FOXJ3: variants seen among roughly 807,000 people sequenced by gnomAD.
FOXJ3 encodes forkhead box J3.
Under a neutral mutation model 76.1 loss-of-function variants are expected in FOXJ3, and 22 were observed. The ratio of observed to expected loss-of-function variants is 0.29; its 90% CI spans 0.21 to 0.41. The LOEUF (loss-of-function observed/expected upper bound fraction) is 0.41. FOXJ3 is among the 10% of genes least tolerant of loss of function. The pLI is 1.00. For synonymous variants in FOXJ3, 269 were observed against 261.2 expected (o/e 1.03, Z -0.29); for missense variants, 613 against 762.1 (o/e 0.80, Z 2.30).
At chr1:42,247,087 T>G (rs370574443) in intron 4 of FOXJ3, among the ~76,000 whole-genome samples, 24 of 152,142 alleles carry the variant, frequency 1.6e-4, no homozygotes, top group African/African-American at 5.8e-4. Flanking sequence ...ATAGAAGAAA[T>G]AAGTTCCAAA....
chr1:42,293,458 C>G (rs1653574021), intron 2 of FOXJ3, among the ~76,000 whole-genome samples: 1 of 152,040 alleles, frequency 6.6e-6, no homozygotes, highest in Admixed American at 6.6e-5. Context: ...CTTAAAACAA[C>G]AAGATACTAT....
At chr1:42,252,330 T>C (rs1650159789) in intron 4 of FOXJ3, among the ~76,000 whole-genome samples, 1 of 152,194 alleles carries the variant, frequency 6.6e-6, no homozygotes, top group Non-Finnish European at 1.5e-5. Flanking sequence ...AGAGATTCAA[T>C]TTCTTCCTGG....
intron 1 of FOXJ3, among the ~76,000 whole-genome samples, chr1:42,316,333 C>CGTTTTTTTTTTTTTTTTTTTT (rs1322633444): frequency 1.4e-5 from 1 of 73,912 alleles, no homozygotes; most frequent in African/African-American, 4.3e-5. Context: ...TGCATTGGGC[C>CGTTTTTTTTTTTTTTTTTTTT]TTTTTTTTTT....
At chr1:42,190,904 TCAGA>T (rs1480729151) in intron 9 of FOXJ3, among the ~76,000 whole-genome samples, 1 of 152,178 alleles carries the variant, frequency 6.6e-6, no homozygotes, top group Non-Finnish European at 1.5e-5. Context: ...AGCTTTGAAG[TCAGA>T]CATGTCAGAA....
chr1:42,287,804 T>C (rs913436900), intron 2 of FOXJ3, among the ~76,000 whole-genome samples: 6 of 151,762 alleles, frequency 4.0e-5, no homozygotes, highest in African/African-American at 7.3e-5. Context: ...TTACAAAAAA[T>C]ACAAAAAAAA....
intron 4 of FOXJ3, among the ~76,000 whole-genome samples, chr1:42,245,251 T>C (rs1649461787): frequency 1.3e-5 from 2 of 150,850 alleles, no homozygotes; most frequent in East Asian, 1.9e-4. Context: ...GCCAAACTTA[T>C]AAAGAACTAA....
intron 1 of FOXJ3, among the ~76,000 whole-genome samples, chr1:42,324,091 G>A (rs373729533): frequency 3.4e-4 from 6 of 17,696 alleles, no homozygotes; most frequent in South Asian, 1.2e-3. Flanking sequence ...TATATATACT[G>A]TATATATACT....
chr1:42,296,300 T>G (rs529319543), intron 2 of FOXJ3, among the ~76,000 whole-genome samples: 1 of 152,348 alleles, frequency 6.6e-6, no homozygotes, highest in African/African-American at 2.4e-5. Context: ...CTGTTGAGTA[T>G]TTCTTTTGCT....
At position 42,335,195 on chromosome 1, in the gene FOXJ3, C is replaced by G. The variant is rs961673384; in HGVS notation, c.-154G>C. Reference sequence around the variant, plus strand: ...GCAGCCCCGAGAGCGGCGGCGGCAGCAAGAGCAGCCAACATCCGGGGCCGC... The same window carrying G: ...GCAGCCCCGAGAGCGGCGGCGGCAGGAAGAGCAGCCAACATCCGGGGCCGC... On this transcript the variant is annotated 5_prime_UTR_variant, in exon 1 of 13. Transcript: ENST00000361346. 3 of 152,194 alleles carry G rather than the reference C, an allele frequency of 2.0e-5. No individual in the cohort carries two copies. The highest frequency in any genetic ancestry group is 2.1e-4 in the South Asian group (1 of 4,834). 9.4% of individuals were successfully genotyped at this position (152,194 alleles called of 1,614,324 possible).
chr1:42,251,706 A>ATTTTTTTTTT (rs1168120638), intron 4 of FOXJ3, among the ~76,000 whole-genome samples: 7 of 87,572 alleles, frequency 8.0e-5, no homozygotes, highest in African/African-American at 3.4e-4. Context: ...GTTTGCCAGT[A>ATTTTTTTTTT]TTTTTTTTTT....
At chr1:42,299,540 C>CT (rs762864718) in intron 2 of FOXJ3, among the ~76,000 whole-genome samples, 1,460 of 119,420 alleles carry the variant, frequency 0.012, 10 homozygotes, top group Non-Finnish European at 0.019. Flanking sequence ...ATGGTTGGGT[C>CT]TTTTTTTTTT....
rs950646839 is a variant in FOXJ3 at position 42,177,177 on chromosome 1, C to T, written c.*2533G>A. ...CCAGGGCCCACAGAAAAGGCCTGTC[C>T]TGGGCTCCTGGACCACCTGGATCAC... On this transcript the variant is annotated 3_prime_UTR_variant, in exon 13 of 13. Coordinates refer to ENST00000361346, the MANE Select transcript of FOXJ3 (RefSeq NM_014947.5). 2.6e-4 allele frequency: 39 copies of T among 152,794 alleles called. No individual in the cohort carries two copies. Among genetic ancestry groups the T allele is most frequent in the Middle Eastern group, 6.8e-3 (2 of 294 alleles). 9.5% of individuals were successfully genotyped at this position (152,794 alleles called of 1,614,324 possible). A position where few individuals can be genotyped will look rare whatever the true frequency, so the allele number is the denominator to read the frequency against.
intron 4 of FOXJ3, among the ~76,000 whole-genome samples, chr1:42,231,640 AT>A (rs1648125901): frequency 6.6e-6 from 1 of 152,170 alleles, no homozygotes. Context: ...TATGTTATGT[AT>A]ATTTTACCAC....
chr1:42,237,435 T>C (rs556505558), intron 4 of FOXJ3, among the ~76,000 whole-genome samples: 1 of 144,260 alleles, frequency 6.9e-6, no homozygotes, highest in Non-Finnish European at 1.5e-5. Flanking sequence ...TATACATACA[T>C]ACATATATAT....
At chr1:42,261,519 C>T (rs921264856) in intron 4 of FOXJ3, among the ~76,000 whole-genome samples, 5 of 151,704 alleles carry the variant, frequency 3.3e-5, no homozygotes, top group Non-Finnish European at 4.4e-5. Context: ...AGGGCTTTTA[C>T]GACACAATCT....
chr1:42,295,230 A>G (rs1347903508), intron 2 of FOXJ3, among the ~76,000 whole-genome samples: 1 of 151,496 alleles, frequency 6.6e-6, no homozygotes, highest in Non-Finnish European at 1.5e-5. Flanking sequence ...CCCCCGGTGG[A>G]CTCTTCAGTG....
At chr1:42,273,141 T>A (rs1331611592) in intron 3 of FOXJ3, among the ~76,000 whole-genome samples, 1 of 152,214 alleles carries the variant, frequency 6.6e-6, no homozygotes, top group Non-Finnish European at 1.5e-5. Context: ...ATTTTTATAG[T>A]TTACACACAG....
intron 2 of FOXJ3, among the ~76,000 whole-genome samples, chr1:42,281,775 T>C (rs1446431143): frequency 6.6e-6 from 1 of 152,042 alleles, no homozygotes; most frequent in Admixed American, 6.5e-5. Flanking sequence ...ACAAACTCAT[T>C]AGGGCGGGTG....
chr1:42,216,458 C>T (rs1647069749), intron 5 of FOXJ3, among the ~76,000 whole-genome samples: 1 of 150,852 alleles, frequency 6.6e-6, no homozygotes, highest in Non-Finnish European at 1.5e-5. Flanking sequence ...GCGGAGCTTG[C>T]AGTGAGCCGA....
Sources: allele counts gnomAD v4.1 joint callset (sites outside exome capture counted in the v4.1 genomes callset), GRCh38; gene constraint gnomAD v4.1.1; transcripts MANE v1.5; gene names NCBI Gene and HGNC (gene_info 2026-07-23, HGNC 2026-07-21).